MACROD2: variants seen among roughly 807,000 people sequenced by gnomAD.
The protein encoded by MACROD2 is ADP-ribose glycohydrolase MACROD2.
A neutral mutation model predicts 70.4 loss-of-function variants in MACROD2; 36 were observed. The observed-to-expected ratio is 0.51, with a 90% CI of 0.39 to 0.68. The LOEUF (loss-of-function observed/expected upper bound fraction) is 0.68. Ranked by LOEUF, MACROD2 falls within the 30% of genes least tolerant of loss-of-function variation. The pLI, the probability that MACROD2 is intolerant of heterozygous loss-of-function variation, is 0.00. For synonymous variants in MACROD2, 172 were observed against 178.8 expected, an observed-to-expected ratio of 0.96 and a Z score of 0.30; for missense variants, 496 against 538.4, an observed-to-expected ratio of 0.92 and a Z score of 0.78.
chr20:15,527,945 T>A (rs1027801812), intron 8 of MACROD2, among the ~76,000 whole-genome samples: 10 of 152,238 alleles, frequency 6.6e-5, no homozygotes, highest in African/African-American at 2.4e-4. Context: ...GCCTAACAAG[T>A]TCCCAGTAGA....
chr20:15,040,618 C>T (rs531513253), intron 5 of MACROD2, among the ~76,000 whole-genome samples: 2 of 152,290 alleles, frequency 1.3e-5, no homozygotes, highest in Non-Finnish European at 2.9e-5. Flanking sequence ...GCTGCTTCCT[C>T]TACCTTTTTG....
chr20:15,177,444 CA>C (rs1248528869), intron 5 of MACROD2, among the ~76,000 whole-genome samples: 1 of 152,190 alleles, frequency 6.6e-6, no homozygotes, highest in African/African-American at 2.4e-5. Context: ...CCTGACTTTC[CA>C]AATTGAAAAA....
At chr20:14,814,565 C>A (rs1167256342) in intron 5 of MACROD2, among the ~76,000 whole-genome samples, 1 of 151,878 alleles carries the variant, frequency 6.6e-6, no homozygotes, top group Non-Finnish European at 1.5e-5. Flanking sequence ...AAATTAAAGT[C>A]ATCAGTAGAG....
At chr20:15,615,472 C>T (rs1295615781) in intron 8 of MACROD2, among the ~76,000 whole-genome samples, 1 of 152,154 alleles carries the variant, frequency 6.6e-6, no homozygotes, top group African/African-American at 2.4e-5. Flanking sequence ...AGGACACCTT[C>T]ATCAGAGCTG....
At chr20:14,490,741 G>A (rs2123099523) in intron 3 of MACROD2, among the ~76,000 whole-genome samples, 1 of 152,128 alleles carries the variant, frequency 6.6e-6, no homozygotes, top group Non-Finnish European at 1.5e-5. Context: ...ATTTAGATAG[G>A]GACATAAATA....
At chr20:14,159,684 C>T (rs1199430908) in intron 3 of MACROD2, among the ~76,000 whole-genome samples, 2 of 152,148 alleles carry the variant, frequency 1.3e-5, no homozygotes, top group Non-Finnish European at 2.9e-5. Context: ...GGCAGTTTGA[C>T]TTCCTTTTTT....
intron 8 of MACROD2, among the ~76,000 whole-genome samples, chr20:15,700,402 C>G (rs1311007418): frequency 6.6e-6 from 1 of 152,186 alleles, no homozygotes; most frequent in Non-Finnish European, 1.5e-5. Flanking sequence ...TCCCTTGGGG[C>G]GTGGAATCCC....
In MACROD2 at chr20:14,725,974, C is replaced by G. The variant is rs191842750; in HGVS notation, c.418+41015C>G. On this transcript the variant is annotated intron_variant, in intron 5 of 17. Coordinates refer to ENST00000684519, the MANE Select transcript of MACROD2 (RefSeq NM_001351661.2). ...CAGATCTGACAGTGGTTCCTGTTATCATGTCCCTTACGTGACTGGCTCTCA... is the reference window on the plus strand; with the variant it reads ...CAGATCTGACAGTGGTTCCTGTTATGATGTCCCTTACGTGACTGGCTCTCA... Among the ~76,000 whole-genome samples, 7 of 152,304 alleles carry G rather than the reference C, an allele frequency of 4.6e-5. No homozygotes were observed. In the East Asian group the frequency reaches 9.6e-4, roughly 21 times the overall value.
rs146701458 is a variant in MACROD2 at position 14,837,756 on chromosome 20, A to G, written c.418+152797A>G. Among the ~76,000 whole-genome samples the G allele has an allele frequency of 5.2e-3, 794 of 152,244 alleles. 12 individuals carry two copies. The highest frequency in any genetic ancestry group is 0.018 in the African/African-American group (741 of 41,562). On this transcript the variant is annotated intron_variant, in intron 5 of 17. Coordinates refer to ENST00000684519, the MANE Select transcript of MACROD2 (RefSeq NM_001351661.2). ...TAATGTTTTACATAGGAAACAAAAT[A>G]CTAATGGCTTTACCTATATCATGCC... is the stretch of plus-strand genomic sequence containing the variant.
At chr20:15,897,659 T>G (rs2064994151) in intron 10 of MACROD2, among the ~76,000 whole-genome samples, 1 of 152,170 alleles carries the variant, frequency 6.6e-6, no homozygotes, top group Non-Finnish European at 1.5e-5. Context: ...TAATCTGATG[T>G]TTAACTCTTC....
At chr20:15,980,255 C>T (rs1410363539) in intron 13 of MACROD2, among the ~76,000 whole-genome samples, 1 of 152,190 alleles carries the variant, frequency 6.6e-6, no homozygotes, top group Non-Finnish European at 1.5e-5. Context: ...GCAGGGCTGC[C>T]TGTCTTTGAT....
chr20:14,804,892 TGAGAGAGAGAGA>T (rs34257583), intron 5 of MACROD2, among the ~76,000 whole-genome samples: 12 of 148,628 alleles, frequency 8.1e-5, no homozygotes, highest in African/African-American at 2.7e-4. Context: ...TGTGTGTGTG[TGAGAGAGAGAGA>T]GAGAGAGACA....
Position 15,087,699 on chromosome 20 carries a change from A to G in MACROD2, c.419-142241A>G, listed in dbSNP as rs1222884138. On this transcript the variant is annotated intron_variant, in intron 5 of 17. Transcript: ENST00000684519. ...ATTAAAAAGGTGCGATACATATTTG[A>G]CTGTTTAAAAATTAAAATTTTTCAT... Among the ~76,000 whole-genome samples the G allele has an allele frequency of 2.6e-5, 4 of 152,056 alleles. No homozygotes were observed. In the East Asian group the frequency reaches 7.7e-4, roughly 29 times the overall value.
chr20:15,464,960 C>T (rs902918346), intron 7 of MACROD2, among the ~76,000 whole-genome samples: 2 of 152,134 alleles, frequency 1.3e-5, no homozygotes, highest in Non-Finnish European at 2.9e-5. Context: ...ACTTACCTCC[C>T]GTGGAGGGAG....
intron 5 of MACROD2, among the ~76,000 whole-genome samples, chr20:14,830,319 TAAAAAA>T (rs1346904174): frequency 6.6e-6 from 1 of 152,092 alleles, no homozygotes; most frequent in Non-Finnish European, 1.5e-5. Context: ...TTAGAGTTGT[TAAAAAA>T]TAATAATAAT....
chr20:15,490,617 C>G (rs760202000), intron 7 of MACROD2, among the ~76,000 whole-genome samples: 1 of 151,988 alleles, frequency 6.6e-6, no homozygotes, highest in Non-Finnish European at 1.5e-5. Flanking sequence ...AGACCCAACA[C>G]CAGGTCATGG....
chr20:15,777,200 C>A (rs2051735795), intron 8 of MACROD2, among the ~76,000 whole-genome samples: 1 of 152,006 alleles, frequency 6.6e-6, no homozygotes, highest in Non-Finnish European at 1.5e-5. Context: ...TTGTAATATA[C>A]AAATATACAT....
chr20:15,569,130 G>A (rs1266704594), intron 8 of MACROD2, among the ~76,000 whole-genome samples: 1 of 152,132 alleles, frequency 6.6e-6, no homozygotes, highest in Admixed American at 6.6e-5. Flanking sequence ...TGCCCTGAAT[G>A]GTTCTATCCC....
chr20:15,021,149 C>A (rs1436681638), intron 5 of MACROD2, among the ~76,000 whole-genome samples: 1 of 129,010 alleles, frequency 7.8e-6, no homozygotes, highest in Non-Finnish European at 1.7e-5. Context: ...TGTGTGTATA[C>A]ACACACCTGT....
Sources: gnomAD v4.1 joint callset for allele counts (sites outside exome capture counted in the v4.1 genomes callset) on GRCh38, gnomAD v4.1.1 for gene constraint, MANE v1.5 for transcripts, NCBI Gene and HGNC (gene_info 2026-07-23, HGNC 2026-07-21) for gene names.